SNX13: variants seen among roughly 807,000 people sequenced by gnomAD.
The protein encoded by SNX13 is sorting nexin 13.
SNX13 carries 45 observed loss-of-function variants against 133.6 expected under a neutral mutation model. The observed-to-expected ratio is 0.34, with a 90% confidence interval of 0.27 to 0.43. SNX13 has a LOEUF of 0.43. Ranked by LOEUF, SNX13 falls within the 20% of genes least tolerant of loss-of-function variation. SNX13 has a pLI of 1.00. For missense variants in SNX13, 1,032 were observed against 1,145.1 expected, an observed-to-expected ratio of 0.90 and a Z score of 1.43; for synonymous variants, 414 against 373.9, an observed-to-expected ratio of 1.11 and a Z score of -1.24.
At chr7:17,842,061 C>G (rs796695356) in intron 12 of SNX13, among the ~76,000 whole-genome samples, 8 of 152,022 alleles carry the variant, frequency 5.3e-5, no homozygotes, top group African/African-American at 1.9e-4. Context: ...ACAGGCAGAT[C>G]ATATTTGAAG....
intron 8 of SNX13, among the ~76,000 whole-genome samples, chr7:17,869,915 C>T (rs1019666319): frequency 6.6e-6 from 1 of 151,734 alleles, no homozygotes; most frequent in African/African-American, 2.4e-5. Context: ...TTTTCCAATG[C>T]TTCTTTTCAA....
intron 18 of SNX13, among the ~76,000 whole-genome samples, chr7:17,817,357 T>G (rs1445032517): frequency 6.6e-6 from 1 of 152,204 alleles, no homozygotes; most frequent in African/African-American, 2.4e-5. Flanking sequence ...GCCTTACCAC[T>G]TTTCCCTTGT....
Position 17,893,536 on chromosome 7 carries a change from AT to A in SNX13, c.126-103del, listed in dbSNP as rs1353118337. The A allele has an allele frequency of 5.6e-6, 4 of 717,692 alleles. No individual in the cohort carries two copies. The East Asian group carries it at 8.4e-5, about 15-fold the overall frequency. 44.5% of individuals were successfully genotyped at this position (717,692 alleles called of 1,614,324 possible). A position where few individuals can be genotyped will look rare whatever the true frequency, so the allele number is the denominator to read the frequency against. On this transcript the variant is annotated intron_variant, in intron 2 of 25. Transcript: ENST00000428135. ...TTCCAGAGTTCACAGATGGCTTATC[AT>A]TTACTAAAAAGTCAATTTGTGACTT...
intron 15 of SNX13, 193 bp from the exon 16 acceptor site, chr7:17,830,240 G>T: frequency 1.0e-6 from 1 of 982,890 alleles, no homozygotes; most frequent in South Asian, 4.7e-5. Context: ...TCTAAGACAG[G>T]CATTTAAGTG....
intron 9 of SNX13, among the ~76,000 whole-genome samples, chr7:17,865,871 A>G (rs1793337728): frequency 6.6e-6 from 1 of 152,214 alleles, no homozygotes; most frequent in Non-Finnish European, 1.5e-5. Context: ...CAAATGTGCC[A>G]AAAATACACA....
chr7:17,803,678 T>C (rs1203513201), intron 20 of SNX13, 98 bp from the exon 21 acceptor site: 3 of 1,059,564 alleles, frequency 2.8e-6, no homozygotes, highest in Non-Finnish European at 2.6e-6. Context: ...ACTGGAAAGA[T>C]GCAGTAATTT....
chr7:17,798,731 C>T lies in SNX13; in HGVS notation c.2472G>A (p.Met824Ile). 1.9e-6 allele frequency: 3 copies of T among 1,568,008 alleles called. No homozygotes were observed. The highest frequency in any genetic ancestry group is 2.6e-6 in the Non-Finnish European group (3 of 1,161,480). The change falls in exon 24 of 26, where the codon ATG becomes ATA. Residue 824 changes from methionine (M) to isoleucine (I), a missense_variant. Coordinates refer to ENST00000428135, the MANE Select transcript of SNX13 (RefSeq NM_015132.5). ...AGTCGGCTACTTGTTCAGGTGAAGT[C>T]ATCCAGTCAACATGGTCAACTATTT... ...NRKIVDHVDWMTSPEQVADSV... is the reference protein window; with the variant it reads ...NRKIVDHVDWITSPEQVADSV...
Position 17,791,812 on chromosome 7 carries a change from G to A in SNX13, c.*2233C>T, listed in dbSNP as rs1369950687. The A allele has an allele frequency of 6.6e-6, 1 of 151,988 alleles. No individual in the cohort carries two copies. Among genetic ancestry groups the A allele is most frequent in the Non-Finnish European group, 1.5e-5 (1 of 67,938 alleles). The allele number at this position is 151,988 out of a possible 1,614,324, so 9.4% of individuals were successfully genotyped here. On this transcript the variant is annotated 3_prime_UTR_variant, in exon 26 of 26. Transcript: ENST00000428135. ...ATTCAAAAAGTTATCTCTAATTTTA[G>A]CATGACCACAGCTCTTTCTGATGTA...
intron 5 of SNX13, among the ~76,000 whole-genome samples, chr7:17,884,861 CAAT>C (rs1198393766): frequency 6.6e-6 from 1 of 152,062 alleles, no homozygotes; most frequent in Non-Finnish European, 1.5e-5. Flanking sequence ...AAAAGACAGA[CAAT>C]AATAACTTAA....
At chr7:17,878,932 T>G (rs920348576) in intron 5 of SNX13, among the ~76,000 whole-genome samples, 2 of 152,240 alleles carry the variant, frequency 1.3e-5, no homozygotes, top group Admixed American at 1.3e-4. Context: ...CTACTCTCCA[T>G]AAATTTTCCT....
In SNX13 at chr7:17,861,863, C is replaced by G. The variant is rs142647518; in HGVS notation, c.837+6544G>C. On this transcript the variant is annotated intron_variant, in intron 9 of 25. Coordinates refer to ENST00000428135, the MANE Select transcript of SNX13 (RefSeq NM_015132.5). Reference sequence around the variant, plus strand: ...GCCCACTTGGGTCTCTTCCAGTGTACTTTCCTTTCTTTCCTGCTATAAAGC... The same window carrying G: ...GCCCACTTGGGTCTCTTCCAGTGTAGTTTCCTTTCTTTCCTGCTATAAAGC... 1.6e-3 allele frequency among the ~76,000 whole-genome samples: 244 copies of G among 152,284 alleles called. 1 individual carries two copies. Among genetic ancestry groups the G allele is most frequent in the African/African-American group, 5.4e-3 (224 of 41,570 alleles).
chr7:17,882,929 C>T (rs775647520), intron 5 of SNX13: 42 of 841,416 alleles, frequency 5.0e-5, no homozygotes, highest in East Asian at 4.8e-4. Flanking sequence ...CCAGCCTGGG[C>T]GACAGGGCGA....
At chr7:17,821,435 G>T in intron 18 of SNX13, 74 bp downstream of exon 18, 7 of 1,361,222 alleles carry the variant, frequency 5.1e-6, no homozygotes, top group Middle Eastern at 2.6e-4. Context: ...ACTCTATCTG[G>T]GCATCCTCAG....
chr7:17,798,888 G>C (rs1172727430), intron 23 of SNX13, 121 bp downstream of exon 23: 1 of 1,263,498 alleles, frequency 7.9e-7, no homozygotes, highest in African/African-American at 1.5e-5. Context: ...CTGCTTTAAT[G>C]ATGTCCTTAA....
intron 21 of SNX13, among the ~76,000 whole-genome samples, chr7:17,801,903 T>G (rs1784684556): frequency 6.6e-6 from 1 of 152,000 alleles, no homozygotes; most frequent in Admixed American, 6.6e-5. Context: ...TCAGTCAAAC[T>G]CCCATATTTT....
chr7:17,856,834 A>T (rs1324741287), intron 9 of SNX13, among the ~76,000 whole-genome samples: 2 of 151,066 alleles, frequency 1.3e-5, no homozygotes, highest in African/African-American at 4.9e-5. Context: ...AAAGAAAAAG[A>T]AAAAGAAAAT....
intron 11 of SNX13, among the ~76,000 whole-genome samples, chr7:17,848,281 C>T (rs1306872820): frequency 6.6e-6 from 1 of 152,188 alleles, no homozygotes; most frequent in Non-Finnish European, 1.5e-5. Flanking sequence ...GCTCCCCTTC[C>T]CACTGAGAAC....
chr7:17,892,937 T>A (rs1796786322), intron 3 of SNX13, among the ~76,000 whole-genome samples: 1 of 152,200 alleles, frequency 6.6e-6, no homozygotes, highest in South Asian at 2.1e-4. Flanking sequence ...ACAAGCTGTA[T>A]TTTTCAAAGT....
intron 1 of SNX13, among the ~76,000 whole-genome samples, chr7:17,919,038 T>G (rs991233806): frequency 6.6e-6 from 1 of 152,084 alleles, no homozygotes; most frequent in African/African-American, 2.4e-5. Context: ...GAGCTAAACA[T>G]TGGGTACACA....
Sources: allele counts gnomAD v4.1 joint callset (sites outside exome capture counted in the v4.1 genomes callset), GRCh38; gene constraint gnomAD v4.1.1; transcripts MANE v1.5; gene names NCBI Gene and HGNC (gene_info 2026-07-23, HGNC 2026-07-21).